WDPCP: variants seen among roughly 807,000 people sequenced by gnomAD.
WDPCP encodes WD repeat containing planar cell polarity effector, also known as WD repeat-containing and planar cell polarity effector protein fritz homolog.
WDPCP carries 71 observed loss-of-function variants against 93.1 expected under a neutral mutation model. That is an observed-to-expected ratio of 0.76 (90% CI 0.63 to 0.93). The LOEUF is 0.93. Ranked by LOEUF, WDPCP falls within the 40% of genes least tolerant of loss-of-function variation. WDPCP has a pLI of 0.00. For synonymous variants in WDPCP, 315 were observed against 315.0 expected (o/e 1.00, Z 0.00); for missense variants, 844 against 887.4 (o/e 0.95, Z 0.62).
intron 9 of WDPCP, among the ~76,000 whole-genome samples, chr2:63,416,574 A>G (rs1201121280): frequency 1.2e-5 from 1 of 85,416 alleles, no homozygotes; most frequent in Non-Finnish European, 2.7e-5. Context: ...CCCAGGCTGG[A>G]GTGCAATGGC....
chr2:63,184,549 T>C (rs1674482554), intron 14 of WDPCP, among the ~76,000 whole-genome samples: 1 of 152,164 alleles, frequency 6.6e-6, no homozygotes, highest in Non-Finnish European at 1.5e-5. Context: ...TCCCAATCTT[T>C]TACTGGCTTA....
At chr2:63,277,872 GACTTAAACTAT>G (rs1242644089) in intron 13 of WDPCP, among the ~76,000 whole-genome samples, 1 of 152,100 alleles carries the variant, frequency 6.6e-6, no homozygotes, top group Admixed American at 6.6e-5. Flanking sequence ...AGAAACAATG[GACTTAAACTAT>G]ACTCCAGAGC....
At chr2:63,223,321 A>G (rs971879860) in intron 14 of WDPCP, among the ~76,000 whole-genome samples, 1 of 152,154 alleles carries the variant, frequency 6.6e-6, no homozygotes, top group African/African-American at 2.4e-5. Flanking sequence ...TTCTTCATTA[A>G]CCTAATGATA....
intron 2 of WDPCP, among the ~76,000 whole-genome samples, chr2:63,651,993 C>T (rs1268772963): frequency 1.3e-5 from 2 of 152,256 alleles, no homozygotes; most frequent in East Asian, 1.9e-4. Context: ...TAATTTAAGC[C>T]GTGGCTCCAT....
intron 2 of WDPCP, among the ~76,000 whole-genome samples, chr2:63,782,709 C>T (rs1175031033): frequency 6.6e-6 from 1 of 151,268 alleles, no homozygotes; most frequent in African/African-American, 2.4e-5. Flanking sequence ...AAGTTGGCCA[C>T]CTAATCTGAA....
chr2:63,670,133 A>C (rs2592389), intron 2 of WDPCP, among the ~76,000 whole-genome samples: 39,109 of 152,106 alleles, frequency 0.26, 5,924 homozygotes, highest in East Asian at 0.71. Context: ...TAACGTTGAT[A>C]AAATGGAACA....
chr2:63,543,769 A>G (rs952149661), intron 1 of WDPCP, among the ~76,000 whole-genome samples: 74 of 152,252 alleles, frequency 4.9e-4, no homozygotes, highest in African/African-American at 1.8e-3. Flanking sequence ...TCGATGAGAT[A>G]TAATATTACA....
At chr2:63,262,635 CG>C (rs1681745934) in intron 13 of WDPCP, among the ~76,000 whole-genome samples, 1 of 151,016 alleles carries the variant, frequency 6.6e-6, no homozygotes, top group African/African-American at 2.4e-5. Context: ...TATGTTTAGA[CG>C]TAAGTGTGGG....
chr2:63,138,564 T>G (rs761866891), intron 17 of WDPCP, among the ~76,000 whole-genome samples: 3 of 151,686 alleles, frequency 2.0e-5, no homozygotes, highest in Non-Finnish European at 4.4e-5. Flanking sequence ...GCCATTCTCC[T>G]GCCTCAGCCT....
intron 3 of WDPCP, chr2:63,597,406 C>T (rs757193369): frequency 3.5e-6 from 5 of 1,427,102 alleles, no homozygotes; most frequent in African/African-American, 1.5e-5. Flanking sequence ...CAGATGTCAT[C>T]GCAACAGATA....
At chr2:63,590,439 C>T (rs963623519), upstream of WDPCP, 1 of 152,128 alleles carries the variant, frequency 6.6e-6, no homozygotes, top group Non-Finnish European at 1.5e-5. Context: ...GGGGGAGAGA[C>T]AGTGTACTCA....
chr2:63,301,075 C>T (rs1181075470), intron 13 of WDPCP, among the ~76,000 whole-genome samples: 1 of 152,190 alleles, frequency 6.6e-6, no homozygotes, highest in Non-Finnish European at 1.5e-5. Context: ...CATGGTGTTT[C>T]AAGGTCAACA....
intron 2 of WDPCP, among the ~76,000 whole-genome samples, chr2:63,776,312 A>T (rs1309438517): frequency 6.6e-6 from 1 of 152,058 alleles, no homozygotes; most frequent in Non-Finnish European, 1.5e-5. Context: ...GAACACACAC[A>T]ACCCAGTATA....
intron 17 of WDPCP, among the ~76,000 whole-genome samples, chr2:63,150,659 G>C (rs1671826752): frequency 6.6e-6 from 1 of 152,002 alleles, no homozygotes; most frequent in African/African-American, 2.4e-5. Flanking sequence ...AGAATTAACT[G>C]AATTAAAACA....
At chr2:63,493,441 A>G (rs1037191888) in intron 1 of WDPCP, among the ~76,000 whole-genome samples, 7 of 151,200 alleles carry the variant, frequency 4.6e-5, no homozygotes, top group Non-Finnish European at 1.0e-4. Context: ...CTATTATACT[A>G]TTATAAGAAA....
At chr2:63,249,051 T>C (rs1680509243) in intron 14 of WDPCP, among the ~76,000 whole-genome samples, 1 of 152,142 alleles carries the variant, frequency 6.6e-6, no homozygotes, top group South Asian at 2.1e-4. Context: ...CCAATTAATT[T>C]TGCTCCTTTG....
At chr2:63,373,686 C>G (rs13393027) in intron 12 of WDPCP, among the ~76,000 whole-genome samples, 6 of 151,842 alleles carry the variant, frequency 4.0e-5, no homozygotes, top group African/African-American at 1.4e-4. Context: ...TATTTTCCAT[C>G]TTTTTTCCCA....
At chr2:63,447,213 T>G (rs753434724) in intron 6 of WDPCP, among the ~76,000 whole-genome samples, 1 of 152,012 alleles carries the variant, frequency 6.6e-6, no homozygotes, top group Non-Finnish European at 1.5e-5. Context: ...TATAAAGAAA[T>G]TGTAGAAACA....
intron 14 of WDPCP, among the ~76,000 whole-genome samples, chr2:63,202,784 CATCTTTGTTT>C (rs1471255970): frequency 2.0e-5 from 3 of 152,100 alleles, no homozygotes; most frequent in African/African-American, 7.2e-5. Context: ...CATTTGTCTG[CATCTTTGTTT>C]ATCCTTTATT....
Sources: allele counts gnomAD v4.1 joint callset (sites outside exome capture counted in the v4.1 genomes callset), GRCh38; gene constraint gnomAD v4.1.1; transcripts MANE v1.5; gene names NCBI Gene and HGNC (gene_info 2026-07-23, HGNC 2026-07-21).